The following ATP4A variants were observed in gnomAD, a reference collection of about 807,000 sequenced individuals.
ATP4A encodes the protein potassium-transporting ATPase alpha chain 1.
Under a neutral mutation model 112.1 loss-of-function variants are expected in ATP4A, and 73 were observed. The ratio of observed to expected loss-of-function variants is 0.65; its 90% confidence interval spans 0.54 to 0.79. ATP4A has a LOEUF of 0.79. Among genes scored for constraint, ATP4A ranks in the 30% least tolerant of loss-of-function variants. ATP4A has a pLI of 0.00. For missense variants in ATP4A, 1,081 were observed against 1,425.9 expected, an observed-to-expected ratio of 0.76 and a Z score of 3.90; for synonymous variants, 588 against 588.9, an observed-to-expected ratio of 1.00 and a Z score of 0.02.
In ATP4A at chr19:35,555,907, C is replaced by T. The variant is rs2071629088; in HGVS notation, c.1870-95G>A. The T allele has an allele frequency of 3.3e-6, 5 of 1,500,632 alleles. No homozygotes were observed. The highest frequency in any genetic ancestry group is 4.0e-5 in the Admixed American group (2 of 50,598). The allele number at this position is 1,500,632 out of a possible 1,614,324, so 93.0% of individuals were successfully genotyped here. A position where few individuals can be genotyped will look rare whatever the true frequency, so the allele number is the denominator to read the frequency against. The stretch of plus-strand genomic sequence containing the variant: ...ATCTGCTGATACACGTGTTCATTTA[C>T]TTGACCAAGCGTGACCACCTCCTAC... On this transcript the variant is annotated intron_variant, in intron 12 of 21. Coordinates refer to ENST00000262623, the MANE Select transcript of ATP4A (RefSeq NM_000704.3). The surrounding 1 kb of genome is among the most constrained non-coding windows in gnomAD (Gnocchi z 6.6).
Position 35,555,271 on chromosome 19 carries a change from T to C in ATP4A, c.2221A>G (p.Ile741Val), listed in dbSNP as rs746402089. ...NDSPALKKAD[I>V]GVAMGIAGSD... ...CCAGCGATGCCCATGGCTACTCCGA[T>C]GTCTGCCTTCTTCAGAGCTGGGGAG... Residue 741 changes from isoleucine to valine, a missense_variant, in exon 15 of 22, where the codon ATC (isoleucine) becomes GTC (valine). By Grantham distance (29) the Ile-to-Val change is conservative. Coordinates refer to ENST00000262623, the MANE Select transcript of ATP4A (RefSeq NM_000704.3). This position sits in a 1 kb window ranked among gnomAD's most constrained non-coding sequence, Gnocchi z 6.6. 1.9e-5 allele frequency: 31 copies of C among 1,614,106 alleles called. No homozygotes were observed. The highest frequency in any genetic ancestry group is 2.5e-5 in the Non-Finnish European group (29 of 1,180,048).
chr19:35,557,830 C>G lies in ATP4A; in HGVS notation c.1518G>C (p.Leu506=), dbSNP rs1343358345. ...AGTGTCGCGGGTCCCGCGGGTCCTC[C>G]AGCGTATGGATGGACAGCTGTGGGC... ...TNKFQLSIHT[L]EDPRDPRHLL... Residue 506 remains leucine (L), a synonymous_variant, in exon 11 of 22, where the codon CTG becomes CTC. Transcript: ENST00000262623. The surrounding 1 kb of genome is among the most constrained non-coding windows in gnomAD (Gnocchi z 4.4). 6.5e-7 allele frequency: 1 copy of G among 1,545,530 alleles called. No individual in the cohort carries two copies. Among genetic ancestry groups the G allele is most frequent in the Non-Finnish European group, 8.8e-7 (1 of 1,141,362 alleles).
At position 35,550,922 on chromosome 19, in the gene ATP4A, G is replaced by C. The variant is rs2071597995; in HGVS notation, c.2991C>G (p.Phe997Leu). ...PNIFNFMPIR[F>L]QWWLVPLPYG... ...AGGGCAGGGGGACCAGCCACCACTG[G>C]AACCTGAAGGCACATGGCAAGGTGA... The change falls in exon 21 of 22, where the codon TTC becomes TTG. Residue 997 changes from phenylalanine to leucine, a missense_variant. By Grantham distance (22) the Phe-to-Leu change is conservative. This residue lies in a region of ATP4A where 219 missense variants were observed against 320.9 expected (regional missense o/e 0.68). Coordinates refer to ENST00000262623, the MANE Select transcript of ATP4A (RefSeq NM_000704.3). The surrounding 1 kb of genome is among the most constrained non-coding windows in gnomAD (Gnocchi z 4.1). 1.2e-6 allele frequency: 2 copies of C among 1,614,022 alleles called. No individual in the cohort carries two copies. Among genetic ancestry groups the C allele is most frequent in the Non-Finnish European group, 8.5e-7 (1 of 1,179,998 alleles).
At chr19:35,552,713 T>A (rs1216549943) in intron 18 of ATP4A, among the ~76,000 whole-genome samples, 3 of 152,162 alleles carry the variant, frequency 2.0e-5, no homozygotes, top group Non-Finnish European at 2.9e-5. Flanking sequence ...CAAACCTTCA[T>A]TAAAATAGAC....
chr19:35,551,356 G>C lies in ATP4A; in HGVS notation c.2885+91C>G. 1.9e-6 allele frequency: 3 copies of C among 1,591,050 alleles called. No individual in the cohort carries two copies. In the South Asian group the frequency reaches 3.3e-5, roughly 18 times the overall value. On this transcript the variant is annotated intron_variant, in intron 19 of 21. Coordinates refer to ENST00000262623, the MANE Select transcript of ATP4A (RefSeq NM_000704.3). The surrounding 1 kb of genome is among the most constrained non-coding windows in gnomAD (Gnocchi z 5.2). ...TCACCATCTGGCACTGGCACCCGCT[G>C]GCATTTGCCGGCTGTTCTAAACCAC...
rs1248640430 is a variant in ATP4A, at chr19:35,556,910, T to A, written c.1869+3A>T. 1 of 1,612,918 alleles carries A rather than the reference T, an allele frequency of 6.2e-7. No individual in the cohort carries two copies. Among genetic ancestry groups the A allele is most frequent in the South Asian group, 1.1e-5 (1 of 91,052 alleles). ...CCACTTGTTCCTCCCCACAGTGGCA[T>A]ACCCGGATGCCTGCGGTGCGACACT... On this transcript the variant is annotated splice_donor_region_variant and intron_variant, in intron 12 of 21. Transcript: ENST00000262623.
rs1441806734 is a variant in ATP4A, at chr19:35,550,323, G to A, written c.*292C>T. ...AGAACAGAAACACCCTCCAGAAGCG[G>A]TCAGCTGTACTCCCTGTCAGAGCCC... On this transcript the variant is annotated 3_prime_UTR_variant, in exon 22 of 22. Transcript: ENST00000262623. This position sits in a 1 kb window ranked among gnomAD's most constrained non-coding sequence, Gnocchi z 4.1. The A allele has an allele frequency of 4.1e-6, 2 of 486,382 alleles. No homozygotes were observed. The highest frequency in any genetic ancestry group is 3.9e-5 in the African/African-American group (2 of 51,464). The allele number at this position is 486,382 out of a possible 1,614,324, so 30.1% of individuals were successfully genotyped here. A position where few individuals can be genotyped will look rare whatever the true frequency, so the allele number is the denominator to read the frequency against.
Position 35,551,882 on chromosome 19 carries a change from T to C in ATP4A, c.2752-302A>G, listed in dbSNP as rs2071604182. ...GGGGAGGCACCCAAAAGAAAGGGCC[T>C]GGGAAAGGGGAATTGAAATCCTCAG... On this transcript the variant is annotated intron_variant, in intron 18 of 21. Coordinates refer to ENST00000262623, the MANE Select transcript of ATP4A (RefSeq NM_000704.3). This position sits in a 1 kb window ranked among gnomAD's most constrained non-coding sequence, Gnocchi z 5.2. Among the ~76,000 whole-genome samples, 1 of 151,944 alleles carries C rather than the reference T, an allele frequency of 6.6e-6. No individual in the cohort carries two copies. Among genetic ancestry groups the C allele is most frequent in the Non-Finnish European group, 1.5e-5 (1 of 67,970 alleles).
rs1251745253 is a variant in ATP4A, at chr19:35,557,985, G to A, written c.1501-138C>T. 8.2e-6 allele frequency: 6 copies of A among 735,608 alleles called. No homozygotes were observed. The Admixed American group carries it at 1.5e-4, about 19-fold the overall frequency. 45.6% of individuals were successfully genotyped at this position (735,608 alleles called of 1,614,324 possible). On this transcript the variant is annotated intron_variant, in intron 10 of 21. Transcript: ENST00000262623. This position sits in a 1 kb window ranked among gnomAD's most constrained non-coding sequence, Gnocchi z 4.4. ...TCTGAGAGCTGCGGGGAAGGGTGAA[G>A]GTGGAAGATGGAGGCCTTGTGTGGA...
At position 35,557,216 on chromosome 19, in the gene ATP4A, C is replaced by T; in HGVS notation, c.1694-128G>A. ...TGGATGCCTGACCTTGTGCTGACCC[C>T]TTCACTCACATTATCTGAATCTACC... On this transcript the variant is annotated intron_variant, in intron 11 of 21. Coordinates refer to ENST00000262623, the MANE Select transcript of ATP4A (RefSeq NM_000704.3). The surrounding 1 kb of genome is among the most constrained non-coding windows in gnomAD (Gnocchi z 4.4). 6 of 1,040,898 alleles carry T rather than the reference C, an allele frequency of 5.8e-6. No individual in the cohort carries two copies. The South Asian group carries it at 8.9e-5, about 15-fold the overall frequency. The allele number at this position is 1,040,898 out of a possible 1,614,324, so 64.5% of individuals were successfully genotyped here.
Position 35,555,289 on chromosome 19 carries a change from C to G in ATP4A, c.2203G>C (p.Ala735Pro). The G allele has an allele frequency of 6.2e-7, 1 of 1,614,210 alleles. No homozygotes were observed. The highest frequency in any genetic ancestry group is 8.5e-7 in the Non-Finnish European group (1 of 1,180,032). ...ACTCCGATGTCTGCCTTCTTCAGAGCTGGGGAGTCATTCACACCATCCCCC... is the reference window on the plus strand; with the variant it reads ...ACTCCGATGTCTGCCTTCTTCAGAGGTGGGGAGTCATTCACACCATCCCCC... ...VTGDGVNDSPALKKADIGVAM... is the reference protein window; with the variant it reads ...VTGDGVNDSPPLKKADIGVAM... The change falls in exon 15 of 22, where the codon GCT becomes CCT. Residue 735 changes from alanine to proline, a missense_variant. By Grantham distance (27) the Ala-to-Pro change is conservative. Transcript: ENST00000262623. This position sits in a 1 kb window ranked among gnomAD's most constrained non-coding sequence, Gnocchi z 6.6.
At position 35,550,767 on chromosome 19, in the gene ATP4A, C is replaced by T. The variant is rs945655761; in HGVS notation, c.3079+67G>A. 8.1e-6 allele frequency: 13 copies of T among 1,609,360 alleles called. No homozygotes were observed. Among genetic ancestry groups the T allele is most frequent in the Admixed American group, 1.7e-5 (1 of 59,996 alleles). ...GGCTTAGAGGCCAAGTGTTGAGGAT[C>T]AAAGGTGGGTGCAGCTGCTCAAACG... On this transcript the variant is annotated intron_variant, in intron 21 of 21. Transcript: ENST00000262623. The surrounding 1 kb of genome is among the most constrained non-coding windows in gnomAD (Gnocchi z 4.1).
chr19:35,551,491 G>A lies in ATP4A; in HGVS notation c.2841C>T (p.Ile947=), dbSNP rs1437507110. ...IEVCQIADVL[I]RKTRRLSAFQ... ...AGGCAGAGAGACGGCGCGTCTTGCG[G>A]ATGAGGACATCGGCGATCTGGCACA... is the stretch of plus-strand genomic sequence containing the variant. The change falls in exon 19 of 22, where the codon ATC becomes ATT. Residue 947 remains isoleucine, a synonymous_variant. Transcript: ENST00000262623. The surrounding 1 kb of genome is among the most constrained non-coding windows in gnomAD (Gnocchi z 5.2). 1.2e-6 allele frequency: 2 copies of A among 1,614,200 alleles called. No homozygotes were observed. Among genetic ancestry groups the A allele is most frequent in the Admixed American group, 3.3e-5 (2 of 60,030 alleles).
Position 35,560,628 on chromosome 19 carries a change from G to A in ATP4A, c.535-13C>T, listed in dbSNP as rs760267618. 6.2e-6 allele frequency: 10 copies of A among 1,606,832 alleles called. No homozygotes were observed. The African/African-American group carries it at 1.2e-4, about 19-fold the overall frequency. On this transcript the variant is annotated splice_polypyrimidine_tract_variant and intron_variant, in intron 5 of 21. Coordinates refer to ENST00000262623, the MANE Select transcript of ATP4A (RefSeq NM_000704.3). The surrounding 1 kb of genome is among the most constrained non-coding windows in gnomAD (Gnocchi z 5.1). ...TGACAGTGGCTTGCTGCGGGGCAGG[G>A]GCACCAAAGTTGAGGTGGACGGGGG...
chr19:35,556,986 A>C lies in ATP4A; in HGVS notation c.1796T>G (p.Leu599Arg). Residue 599 changes from leucine to arginine, a missense_variant, in exon 12 of 22, where the codon CTT (leucine) becomes CGT (arginine). This residue lies in a region of ATP4A where 850 missense variants were observed against 1,068.2 expected (regional missense o/e 0.80). Transcript: ENST00000262623. ...FPSSGLCFAG[L>R]VSMIDPPRAT... The stretch of plus-strand genomic sequence containing the variant: ...CCGGGGTGGGTCAATCATGGATACA[A>C]GTCCCGCAAAGCAGAGGCCGCTAGA... 1 of 1,614,180 alleles carries C rather than the reference A, an allele frequency of 6.2e-7. No homozygotes were observed. Among genetic ancestry groups the C allele is most frequent in the Non-Finnish European group, 8.5e-7 (1 of 1,180,024 alleles).
intron 17 of ATP4A, among the ~76,000 whole-genome samples, chr19:35,553,401 AGCAGGGACAGAGAGACAGAG>A (rs2071612795): frequency 1.3e-5 from 2 of 152,092 alleles, no homozygotes; most frequent in South Asian, 2.1e-4. Flanking sequence ...CAGAGAGAGA[AGCAGGGACAGAGAGACAGAG>A]GCAGGGACAG....
intron 3 of ATP4A, 54 bp downstream of exon 3, chr19:35,563,155 T>C: frequency 6.4e-7 from 1 of 1,568,816 alleles, no homozygotes; most frequent in Non-Finnish European, 8.7e-7. Flanking sequence ...TCCATCTCCC[T>C]CTCCCTCCCT....
In ATP4A at chr19:35,558,428, G is replaced by A; in HGVS notation, c.1434C>T (p.Ala478=). ...LKFSELTLGN[A]MGYRDRFPKV... ...TTGGGAAGCGGTCCCGGTAGCCCATGGCGTTGCCCAGCGTCAGCTCCGAGA... is the reference window on the plus strand; with the variant it reads ...TTGGGAAGCGGTCCCGGTAGCCCATAGCGTTGCCCAGCGTCAGCTCCGAGA... Residue 478 remains alanine, a synonymous_variant, in exon 10 of 22, where the codon GCC becomes GCT. Coordinates refer to ENST00000262623, the MANE Select transcript of ATP4A (RefSeq NM_000704.3). This position sits in a 1 kb window ranked among gnomAD's most constrained non-coding sequence, Gnocchi z 5.1. 1 of 1,608,612 alleles carries A rather than the reference G, an allele frequency of 6.2e-7. No homozygotes were observed. The highest frequency in any genetic ancestry group is 1.7e-5 in the Admixed American group (1 of 58,858).
In ATP4A at chr19:35,557,823, G is replaced by A. The variant is rs1599572982; in HGVS notation, c.1525C>T (p.Pro509Ser). The change falls in exon 11 of 22, where the codon CCG becomes TCG. Residue 509 changes from proline to serine, a missense_variant. Around this residue, in one of 3 missense-constraint regions of ATP4A, gnomAD observed 850 missense variants for 1,068.2 expected, o/e 0.80. Transcript: ENST00000262623. This position sits in a 1 kb window ranked among gnomAD's most constrained non-coding sequence, Gnocchi z 4.4. ...ACCAGCAAGTGTCGCGGGTCCCGCGGGTCCTCCAGCGTATGGATGGACAGC... is the reference window on the plus strand; with the variant it reads ...ACCAGCAAGTGTCGCGGGTCCCGCGAGTCCTCCAGCGTATGGATGGACAGC... ...FQLSIHTLED[P>S]RDPRHLLVMK... 6.4e-7 allele frequency: 1 copy of A among 1,558,264 alleles called. No individual in the cohort carries two copies. Among genetic ancestry groups the A allele is most frequent in the East Asian group, 2.4e-5 (1 of 42,454 alleles).
Sources: allele counts gnomAD v4.1 joint callset (sites outside exome capture counted in the v4.1 genomes callset), GRCh38; gene constraint gnomAD v4.1.1; regional missense constraint gnomAD v4.1.1; non-coding constraint Gnocchi (gnomAD v3.1); transcripts MANE v1.5; gene names NCBI Gene and HGNC (gene_info 2026-07-23, HGNC 2026-07-21).